The following GNPTAB variants were observed in gnomAD, a reference collection of about 807,000 sequenced individuals.
GNPTAB encodes the protein N-acetylglucosamine-1-phosphotransferase subunits alpha/beta.
In GNPTAB, 92 loss-of-function variants were observed where a neutral mutation model predicts 136.6. That is an observed-to-expected ratio of 0.67 (90% CI 0.57 to 0.80). The LOEUF is 0.80. Ranked by LOEUF, GNPTAB falls within the 30% of genes least tolerant of loss-of-function variation. The pLI, the probability that GNPTAB is intolerant of heterozygous loss-of-function variation, is 0.00. For missense variants in GNPTAB, 1,343 were observed against 1,501.8 expected, an observed-to-expected ratio of 0.89 and a Z score of 1.75; for synonymous variants, 512 against 535.1, an observed-to-expected ratio of 0.96 and a Z score of 0.60.
Position 101,761,716 on chromosome 12 carries a change from T to C in GNPTAB, c.2763A>G (p.Lys921=), listed in dbSNP as rs765486254. The change falls in exon 14 of 21, where the codon AAA becomes AAG. Residue 921 remains lysine (K), a synonymous_variant. Transcript: ENST00000299314. ...TATCTTTTAGTTGCCTCCCAGTATT[T>C]TTGCTATCAGTGAAGTATGCCAATT... ...KTQLAYFTDS[K]NTGRQLKDTF... The C allele has an allele frequency of 6.2e-7, 1 of 1,613,942 alleles. No homozygotes were observed. Among genetic ancestry groups the C allele is most frequent in the Non-Finnish European group, 8.5e-7 (1 of 1,179,922 alleles).
At chr12:101,768,244 G>T in intron 10 of GNPTAB, 84 bp from the exon 11 acceptor site, 3 of 1,467,018 alleles carry the variant, frequency 2.0e-6, no homozygotes, top group South Asian at 2.4e-5. Context: ...TTTATAAAAA[G>T]AAATTAAGTC....
Position 101,770,468 on chromosome 12 carries a change from T to C in GNPTAB, c.1051A>G (p.Asn351Asp), listed in dbSNP as rs775643901. The C allele has an allele frequency of 4.3e-6, 7 of 1,613,796 alleles. No individual in the cohort carries two copies. The Admixed American group carries it at 8.3e-5, about 19-fold the overall frequency. ...PWVRNIFIVTNGQIPSWLNLD... is the reference protein window; with the variant it reads ...PWVRNIFIVTDGQIPSWLNLD... ...TTCAGCCAGGATGGAATCTGCCCGT[T>C]GGTGACAATGAAAATATTCCGAACC... Residue 351 changes from asparagine to aspartate, a missense_variant, in exon 9 of 21, where the codon AAC (asparagine) becomes GAC (aspartate). Physicochemically the swap from Asn to Asp is conservative, Grantham distance 23. Transcript: ENST00000299314.
At chr12:101,795,830 A>C (rs888429498) in intron 2 of GNPTAB, 3 of 158,938 alleles carry the variant, frequency 1.9e-5, no homozygotes, top group Non-Finnish European at 4.1e-5. Context: ...TCTAAAATAA[A>C]CCAAAAAAAT....
intron 1 of GNPTAB, among the ~76,000 whole-genome samples, chr12:101,817,385 A>G (rs368560699): frequency 1.2e-4 from 18 of 149,140 alleles, no homozygotes; most frequent in East Asian, 4.0e-4. Flanking sequence ...CTCCTACCTC[A>G]GCCTCCAGAG....
At chr12:101,760,673 CA>C (rs1166216793) in intron 15 of GNPTAB, among the ~76,000 whole-genome samples, 1 of 151,996 alleles carries the variant, frequency 6.6e-6, no homozygotes, top group African/African-American at 2.4e-5. Context: ...AGCACTAAAA[CA>C]GACTAGCTAT....
intron 7 of GNPTAB, among the ~76,000 whole-genome samples, chr12:101,776,813 G>A (rs1443886891): frequency 6.6e-6 from 1 of 152,222 alleles, no homozygotes; most frequent in Non-Finnish European, 1.5e-5. Flanking sequence ...AGATACCCGT[G>A]GCCTAGTGAG....
intron 1 of GNPTAB, among the ~76,000 whole-genome samples, chr12:101,800,886 G>C (rs1351789269): frequency 6.6e-6 from 1 of 152,006 alleles, no homozygotes; most frequent in Non-Finnish European, 1.5e-5. Flanking sequence ...GCACACTCAG[G>C]ATCCTAAAAT....
At chr12:101,828,253 G>A (rs1772364554) in intron 1 of GNPTAB, among the ~76,000 whole-genome samples, 2 of 152,168 alleles carry the variant, frequency 1.3e-5, no homozygotes, top group South Asian at 2.1e-4. Context: ...AACCCTGCAA[G>A]GAAGGTAATC....
At chr12:101,762,947 A>G (rs1476833470) in intron 13 of GNPTAB, among the ~76,000 whole-genome samples, 2 of 150,640 alleles carry the variant, frequency 1.3e-5, no homozygotes, top group Non-Finnish European at 3.0e-5. Flanking sequence ...GAGGCCAGGC[A>G]CAGTGGCTCA....
intron 1 of GNPTAB, among the ~76,000 whole-genome samples, chr12:101,824,506 G>A (rs536254142): frequency 6.0e-5 from 8 of 133,654 alleles, no homozygotes; most frequent in East Asian, 2.3e-4. Context: ...TCACTCTGTC[G>A]CCCAAGCTGG....
At chr12:101,753,971 G>A (rs1404410431) in intron 18 of GNPTAB, among the ~76,000 whole-genome samples, 3 of 152,054 alleles carry the variant, frequency 2.0e-5, no homozygotes, top group African/African-American at 4.8e-5. Context: ...CCAACATGGC[G>A]AAACCTATCT....
chr12:101,757,391 T>G (rs1952917307), intron 17 of GNPTAB, 81 bp from the exon 18 acceptor site: 2 of 936,842 alleles, frequency 2.1e-6, no homozygotes, highest in East Asian at 5.2e-5. Flanking sequence ...ATACATTTTT[T>G]AAAACCGTAG....
chr12:101,799,946 G>A (rs1284693801), intron 1 of GNPTAB, among the ~76,000 whole-genome samples: 1 of 152,186 alleles, frequency 6.6e-6, no homozygotes, highest in Non-Finnish European at 1.5e-5. Flanking sequence ...TGCCAACGTT[G>A]TAGAAGAGAA....
At chr12:101,796,865 G>A in intron 1 of GNPTAB, 103 bp from the exon 2 acceptor site, 1 of 806,554 alleles carries the variant, frequency 1.2e-6, no homozygotes, top group Non-Finnish European at 2.1e-6. Context: ...AATGGGTAAA[G>A]AAATCAAAAT....
chr12:101,774,068 T>G (rs574826913), intron 7 of GNPTAB, among the ~76,000 whole-genome samples: 11 of 152,334 alleles, frequency 7.2e-5, no homozygotes, highest in African/African-American at 2.2e-4. Flanking sequence ...TCTAGCAGCA[T>G]CATCTAGAAC....
At chr12:101,784,500 T>C (rs977545157) in intron 5 of GNPTAB, among the ~76,000 whole-genome samples, 4 of 152,194 alleles carry the variant, frequency 2.6e-5, no homozygotes, top group African/African-American at 7.2e-5. Flanking sequence ...ATATTATTCT[T>C]TTCATAAAGG....
intron 1 of GNPTAB, among the ~76,000 whole-genome samples, chr12:101,798,904 C>A (rs1047793568): frequency 6.6e-6 from 1 of 152,122 alleles, no homozygotes; most frequent in Non-Finnish European, 1.5e-5. Flanking sequence ...CCACTAGTGC[C>A]GATGGAAGTG....
rs28649381 is a variant in GNPTAB at position 101,828,704 on chromosome 12, A to C, written c.117+1855T>G. 5.2e-3 allele frequency among the ~76,000 whole-genome samples: 759 copies of C among 144,976 alleles called. 10 individuals carry two copies. The highest frequency in any genetic ancestry group is 0.018 in the African/African-American group (623 of 34,796). On this transcript the variant is annotated intron_variant, in intron 1 of 20. Transcript: ENST00000299314. ...GACTCCATCTCAAAAAACAAACAAA[A>C]AAAAAAGCACAGCTCTGAGCCAGCC...
chr12:101,827,824 A>G (rs888270856), intron 1 of GNPTAB, among the ~76,000 whole-genome samples: 1 of 152,030 alleles, frequency 6.6e-6, no homozygotes, highest in Admixed American at 6.5e-5. Context: ...AACTTAGTCT[A>G]GCGTGATGGC....
Sources: gnomAD v4.1 joint callset for allele counts (sites outside exome capture counted in the v4.1 genomes callset) on GRCh38, gnomAD v4.1.1 for gene constraint, MANE v1.5 for transcripts, NCBI Gene and HGNC (gene_info 2026-07-23, HGNC 2026-07-21) for gene names.